The following GALNT17 variants were observed in gnomAD, a reference collection of about 807,000 sequenced individuals.
GALNT17 encodes polypeptide N-acetylgalactosaminyltransferase 17.
Under a neutral mutation model 63.7 loss-of-function variants are expected in GALNT17, and 29 were observed. That is an observed-to-expected ratio of 0.46 (90% CI 0.34 to 0.62). GALNT17 has a LOEUF of 0.62. Among genes scored for constraint, GALNT17 ranks in the 20% least tolerant of loss-of-function variants. The pLI, the probability that GALNT17 is intolerant of heterozygous loss-of-function variation, is 0.01. For synonymous variants in GALNT17, 305 were observed against 318.3 expected (o/e 0.96, Z 0.45); for missense variants, 603 against 799.6 (o/e 0.75, Z 2.97).
At chr7:71,241,237 G>T (rs1789990479) in intron 1 of GALNT17, among the ~76,000 whole-genome samples, 1 of 152,202 alleles carries the variant, frequency 6.6e-6, no homozygotes, top group Non-Finnish European at 1.5e-5. Flanking sequence ...TGGTTTGGCG[G>T]ATCTGGTAAG....
intron 5 of GALNT17, among the ~76,000 whole-genome samples, chr7:71,452,561 TA>T (rs1787283180): frequency 6.6e-6 from 1 of 152,044 alleles, no homozygotes; most frequent in African/African-American, 2.4e-5. Flanking sequence ...AATTTAAAAA[TA>T]AAAAAGGATT....
intron 5 of GALNT17, among the ~76,000 whole-genome samples, chr7:71,552,114 G>A (rs2116832939): frequency 6.6e-6 from 1 of 151,876 alleles, no homozygotes; most frequent in African/African-American, 2.4e-5. Context: ...GTGTGATCTT[G>A]GGCCACTGCA....
intron 5 of GALNT17, among the ~76,000 whole-genome samples, chr7:71,538,116 A>G (rs763236501): frequency 1.3e-5 from 2 of 152,206 alleles, no homozygotes; most frequent in African/African-American, 4.8e-5. Flanking sequence ...ACTAATATAT[A>G]TAACAACTGG....
At chr7:71,670,934 G>A (rs1791060999) in intron 8 of GALNT17, among the ~76,000 whole-genome samples, 1 of 151,908 alleles carries the variant, frequency 6.6e-6, no homozygotes, top group East Asian at 1.9e-4. Context: ...GTGTATATGT[G>A]TGCATGTGTA....
intron 9 of GALNT17, among the ~76,000 whole-genome samples, chr7:71,688,910 A>G (rs1388082309): frequency 6.6e-6 from 1 of 152,176 alleles, no homozygotes; most frequent in African/African-American, 2.4e-5. Flanking sequence ...GCAACGTGAC[A>G]TCGAGCAAGT....
At chr7:71,486,738 C>T (rs1165861242) in intron 5 of GALNT17, among the ~76,000 whole-genome samples, 2 of 151,830 alleles carry the variant, frequency 1.3e-5, no homozygotes, top group Non-Finnish European at 2.9e-5. Context: ...TGATATGTGC[C>T]TGTAAGTCCA....
intron 1 of GALNT17, among the ~76,000 whole-genome samples, chr7:71,241,024 G>C (rs1219044601): frequency 6.6e-6 from 1 of 152,138 alleles, no homozygotes; most frequent in African/African-American, 2.4e-5. Flanking sequence ...TTGATATTGG[G>C]AATGGAAATG....
At chr7:71,162,965 G>A (rs796179566) in intron 1 of GALNT17, among the ~76,000 whole-genome samples, 1 of 152,336 alleles carries the variant, frequency 6.6e-6, no homozygotes, top group Admixed American at 6.5e-5. Context: ...CACTGTGGAG[G>A]ACAAGTGTAG....
intron 6 of GALNT17, among the ~76,000 whole-genome samples, chr7:71,656,135 G>A (rs1014431203): frequency 1.3e-5 from 2 of 152,136 alleles, no homozygotes; most frequent in African/African-American, 4.8e-5. Context: ...ACAGTGCTGG[G>A]CAGTAGGGAC....
At chr7:71,436,342 A>G (rs562552130) in intron 5 of GALNT17, among the ~76,000 whole-genome samples, 6 of 152,248 alleles carry the variant, frequency 3.9e-5, no homozygotes, top group Admixed American at 2.0e-4. Flanking sequence ...CCCTGTCTCT[A>G]AAAGAAAATG....
At chr7:71,621,553 A>AGATGGATGTATG (rs1790294508) in intron 6 of GALNT17, among the ~76,000 whole-genome samples, 14 of 142,934 alleles carry the variant, frequency 9.8e-5, no homozygotes, top group African/African-American at 3.7e-4. Flanking sequence ...ATTGATGGAT[A>AGATGGATGTATG]GATGGATGGA....
At chr7:71,217,852 C>T (rs1444015409) in intron 1 of GALNT17, among the ~76,000 whole-genome samples, 3 of 151,528 alleles carry the variant, frequency 2.0e-5, no homozygotes, top group Non-Finnish European at 4.4e-5. Context: ...GGTGTGAACT[C>T]CGGAGGCGGA....
chr7:71,493,042 A>G (rs1366482631), intron 5 of GALNT17, among the ~76,000 whole-genome samples: 10 of 152,366 alleles, frequency 6.6e-5, no homozygotes, highest in African/African-American at 1.9e-4. Flanking sequence ...GTCAGTTTTC[A>G]GAATAAATAG....
chr7:71,530,027 G>C (rs1468325034), intron 5 of GALNT17, among the ~76,000 whole-genome samples: 1 of 152,190 alleles, frequency 6.6e-6, no homozygotes, highest in Non-Finnish European at 1.5e-5. Flanking sequence ...TGGGCTTTAT[G>C]ATTAGAAAGG....
chr7:71,353,367 A>G (rs368931675), intron 2 of GALNT17, among the ~76,000 whole-genome samples: 2 of 152,170 alleles, frequency 1.3e-5, no homozygotes, highest in African/African-American at 4.8e-5. Context: ...GCATTCTCTT[A>G]CATAACCACA....
intron 5 of GALNT17, among the ~76,000 whole-genome samples, chr7:71,423,125 G>GTTTTT (rs1786696757): frequency 6.6e-6 from 1 of 152,176 alleles, no homozygotes; most frequent in Non-Finnish European, 1.5e-5. Flanking sequence ...ATGGGCACAG[G>GTTTTT]ATGGGGGACA....
chr7:71,207,526 C>T (rs1247375194), intron 1 of GALNT17, among the ~76,000 whole-genome samples: 1 of 152,068 alleles, frequency 6.6e-6, no homozygotes, highest in Non-Finnish European at 1.5e-5. Context: ...ATGACTTAAT[C>T]AGCAAAGTGG....
chr7:71,298,512 T>C (rs1791125115), intron 1 of GALNT17, among the ~76,000 whole-genome samples: 1 of 152,212 alleles, frequency 6.6e-6, no homozygotes, highest in Non-Finnish European at 1.5e-5. Context: ...AGTCTTACAC[T>C]GTGGCATCTG....
intron 5 of GALNT17, 142 bp downstream of exon 5, chr7:71,421,247 G>A: frequency 1.2e-6 from 1 of 836,934 alleles, no homozygotes; most frequent in Non-Finnish European, 1.8e-6. Context: ...GTTGTCTCAG[G>A]ATCACAGCTT....
Sources: allele counts gnomAD v4.1 joint callset (sites outside exome capture counted in the v4.1 genomes callset), GRCh38; gene constraint gnomAD v4.1.1; transcripts MANE v1.5; gene names NCBI Gene and HGNC (gene_info 2026-07-23, HGNC 2026-07-21).